Variants in SI observed in about 807,000 individuals in gnomAD.
The protein encoded by SI is sucrase-isomaltase.
A neutral mutation model predicts 253.3 loss-of-function variants in SI; 235 were observed. The ratio of observed to expected loss-of-function variants is 0.93; its 90% CI spans 0.83 to 1.03. The LOEUF (loss-of-function observed/expected upper bound fraction) is 1.03. SI is among the 50% of genes least tolerant of loss of function. The pLI is 0.00. For synonymous variants in SI, 819 were observed against 712.0 expected, an observed-to-expected ratio of 1.15 and a Z score of -2.39; for missense variants, 2,442 against 2,211.1, an observed-to-expected ratio of 1.10 and a Z score of -2.09.
intron 37 of SI, among the ~76,000 whole-genome samples, chr3:165,001,418 C>T (rs919927334): frequency 1.3e-5 from 2 of 151,350 alleles, no homozygotes; most frequent in African/African-American, 4.8e-5. Flanking sequence ...TTCAAATAGT[C>T]ACCATTAGAT....
At chr3:165,074,869 A>G (rs1467253923) in intron 2 of SI, among the ~76,000 whole-genome samples, 2 of 152,058 alleles carry the variant, frequency 1.3e-5, no homozygotes, top group African/African-American at 4.8e-5. Context: ...TTTAAAATTG[A>G]CAGTGTAGAA....
intron 19 of SI, among the ~76,000 whole-genome samples, chr3:165,039,593 C>A (rs1008277575): frequency 1.3e-5 from 2 of 151,778 alleles, no homozygotes; most frequent in African/African-American, 4.8e-5. Flanking sequence ...TAAATGAGAA[C>A]TCTTTGTTAT....
intron 3 of SI, among the ~76,000 whole-genome samples, chr3:165,071,243 T>A (rs1186736927): frequency 6.6e-6 from 1 of 152,060 alleles, no homozygotes; most frequent in Non-Finnish European, 1.5e-5. Flanking sequence ...TGTATCTCCC[T>A]GTTGTTGCTT....
intron 26 of SI, 47 bp from the exon 27 acceptor site, chr3:165,021,430 G>A (rs755976073): frequency 1.4e-6 from 2 of 1,409,594 alleles, no homozygotes. Flanking sequence ...TGCTGACATA[G>A]CATGTACATA....
chr3:165,000,002 A>G (rs1265032422), intron 37 of SI, among the ~76,000 whole-genome samples: 1 of 151,464 alleles, frequency 6.6e-6, no homozygotes, highest in Non-Finnish European at 1.5e-5. Context: ...AATATACATT[A>G]CATATATTTT....
rs146664011 is a variant in SI, at chr3:165,003,787, G to A, written c.4406+3029C>T. 7.3e-4 allele frequency among the ~76,000 whole-genome samples: 111 copies of A among 151,994 alleles called. 2 individuals carry two copies. The highest frequency in any genetic ancestry group is 2.3e-3 in the African/African-American group (96 of 41,516). On this transcript the variant is annotated intron_variant, in intron 37 of 47. Transcript: ENST00000264382. ...ATTTAAAAATCACAAGCCTTATGGT[G>A]ATTGCAAATGAAAAAGCATACAACA...
chr3:165,049,389 A>C (rs1210901972), intron 14 of SI, 145 bp from the exon 15 acceptor site: 1 of 628,942 alleles, frequency 1.6e-6, no homozygotes, highest in East Asian at 2.8e-5. Flanking sequence ...CAATCCAATT[A>C]AACCTAAAAT....
chr3:165,042,931 T>G, intron 17 of SI, 128 bp downstream of exon 17: 1 of 721,222 alleles, frequency 1.4e-6, no homozygotes, highest in Non-Finnish European at 2.5e-6. Context: ...AGAGAGGGAC[T>G]TCTAACAATG....
chr3:165,074,222 C>T (rs893702840), intron 3 of SI, among the ~76,000 whole-genome samples: 1 of 151,876 alleles, frequency 6.6e-6, no homozygotes, highest in Non-Finnish European at 1.5e-5. Context: ...TCTATATTAT[C>T]AAAGGTATAC....
chr3:165,074,808 G>C, intron 2 of SI, 141 bp from the exon 3 acceptor site: 1 of 670,972 alleles, frequency 1.5e-6, no homozygotes, highest in Admixed American at 2.7e-5. Context: ...CATTTAAAAA[G>C]ACCCACAATT....
At chr3:165,035,055 T>C (rs997929112) in intron 22 of SI, among the ~76,000 whole-genome samples, 1 of 151,964 alleles carries the variant, frequency 6.6e-6, no homozygotes, top group East Asian at 1.9e-4. Context: ...TGTTGGCATC[T>C]GTAGCAATGA....
chr3:165,068,987 TTTC>T, intron 4 of SI, 88 bp downstream of exon 4: 1 of 1,080,896 alleles, frequency 9.3e-7, no homozygotes, highest in Admixed American at 1.7e-5. Flanking sequence ...CAGGAACATA[TTTC>T]TTATTTGATT....
intron 5 of SI, among the ~76,000 whole-genome samples, 160 bp from the exon 6 acceptor site, chr3:165,067,651 G>T (rs1053765544): frequency 6.6e-6 from 1 of 151,846 alleles, no homozygotes; most frequent in Non-Finnish European, 1.5e-5. Flanking sequence ...TTTTTGAATG[G>T]CTATGCACAG....
In SI at chr3:165,044,325, T is replaced by C. The variant is rs565467778; in HGVS notation, c.1888-1150A>G. Among the ~76,000 whole-genome samples the C allele has an allele frequency of 2.0e-5, 3 of 152,160 alleles. No individual in the cohort carries two copies. In the South Asian group the frequency reaches 6.2e-4, roughly 32 times the overall value. On this transcript the variant is annotated intron_variant, in intron 16 of 47. Transcript: ENST00000264382. ...GTGTACATACATAGGATTATTTTTCTGGTTTACTTATAATGTGCATTGTAT... is the reference window on the plus strand; with the variant it reads ...GTGTACATACATAGGATTATTTTTCCGGTTTACTTATAATGTGCATTGTAT...
chr3:165,079,740 T>A (rs1715224072), upstream of SI, among the ~76,000 whole-genome samples: 1 of 151,664 alleles, frequency 6.6e-6, no homozygotes, highest in Admixed American at 6.6e-5. Flanking sequence ...CAAAGGTCAA[T>A]CATGATCCTA....
chr3:165,090,147 T>G, the SI span, among the ~76,000 whole-genome samples: 1 of 91,942 alleles, frequency 1.1e-5, no homozygotes, highest in African/African-American at 4.3e-5. Context: ...ACTGCATTTA[T>G]TTAAAAAAAA....
chr3:164,990,127 C>CG (rs1334977011), intron 44 of SI, among the ~76,000 whole-genome samples: 1 of 151,856 alleles, frequency 6.6e-6, no homozygotes. Context: ...GCTACTTTTA[C>CG]GGGGGGTGTT....
At chr3:165,066,987 C>T (rs1714278129) in intron 6 of SI, among the ~76,000 whole-genome samples, 1 of 151,692 alleles carries the variant, frequency 6.6e-6, no homozygotes, top group Admixed American at 6.6e-5. Context: ...CCTCTTTGGT[C>T]TTTGAATAGT....
intron 25 of SI, among the ~76,000 whole-genome samples, chr3:165,026,009 C>T (rs556721065): frequency 4.6e-5 from 7 of 151,302 alleles, no homozygotes; most frequent in East Asian, 1.9e-4. Context: ...AAGTAAATGG[C>T]CTAAATGCTC....
Sources: gnomAD v4.1 joint callset for allele counts (sites outside exome capture counted in the v4.1 genomes callset) on GRCh38, gnomAD v4.1.1 for gene constraint, MANE v1.5 for transcripts, NCBI Gene and HGNC (gene_info 2026-07-23, HGNC 2026-07-21) for gene names.